The following PAK1 variants were observed in gnomAD, a reference collection of about 807,000 sequenced individuals.
PAK1 encodes the protein p21 (RAC1) activated kinase 1.
Under a neutral mutation model 67.4 loss-of-function variants are expected in PAK1, and 29 were observed. That is an observed-to-expected ratio of 0.43 (90% confidence interval 0.32 to 0.59). The LOEUF is 0.59. Among genes scored for constraint, PAK1 ranks in the 20% least tolerant of loss-of-function variants. The pLI, the probability that PAK1 is intolerant of heterozygous loss-of-function variation, is 0.07. For missense variants in PAK1, 337 were observed against 670.7 expected (o/e 0.50, Z 5.50); for synonymous variants, 223 against 237.4 (o/e 0.94, Z 0.56).
At chr11:77,348,825 G>T (rs72941612) in intron 9 of PAK1, among the ~76,000 whole-genome samples, 1,534 of 152,136 alleles carry the variant, frequency 0.01, 9 homozygotes, top group Non-Finnish European at 0.015. Context: ...GCTACAGTAA[G>T]AAACTAGATA....
chr11:77,330,913 T>C (rs1429402146), intron 14 of PAK1, among the ~76,000 whole-genome samples: 1 of 152,122 alleles, frequency 6.6e-6, no homozygotes, highest in East Asian at 1.9e-4. Flanking sequence ...ATCCAGAATC[T>C]ACAACGAACT....
chr11:77,455,300 T>C (rs1957035107), intron 1 of PAK1, among the ~76,000 whole-genome samples: 1 of 76,038 alleles, frequency 1.3e-5, no homozygotes, highest in South Asian at 3.6e-4. Flanking sequence ...ACTACAGAGG[T>C]TGAAAAAAAA....
the PAK1 span, among the ~76,000 whole-genome samples, chr11:77,517,945 G>A: frequency 6.6e-6 from 1 of 152,150 alleles, no homozygotes; most frequent in East Asian, 1.9e-4. Context: ...GCAGTAATGA[G>A]AGCAATGGGG....
the PAK1 span, among the ~76,000 whole-genome samples, chr11:77,509,612 A>G: frequency 4.6e-5 from 7 of 152,150 alleles, no homozygotes; most frequent in Non-Finnish European, 8.8e-5. Flanking sequence ...GTAATCCCCA[A>G]TGCTGGAGGT....
At chr11:77,339,900 T>TCA (rs1317509406) in intron 11 of PAK1, among the ~76,000 whole-genome samples, 1 of 152,064 alleles carries the variant, frequency 6.6e-6, no homozygotes, top group Non-Finnish European at 1.5e-5. Flanking sequence ...GTCCAGTCTG[T>TCA]CATCAGCAAA....
chr11:77,381,120 A>G (rs1949748833), intron 2 of PAK1, among the ~76,000 whole-genome samples: 1 of 149,524 alleles, frequency 6.7e-6, no homozygotes, highest in African/African-American at 2.5e-5. Flanking sequence ...AGCCAGTTTC[A>G]CCTCTACCTC....
chr11:77,333,506 A>G (rs182872180), intron 13 of PAK1, among the ~76,000 whole-genome samples: 13 of 152,190 alleles, frequency 8.5e-5, no homozygotes, highest in Non-Finnish European at 1.2e-4. Flanking sequence ...CTTTATTATT[A>G]TTCTTGCTTA....
chr11:77,359,398 A>T (rs187642061), intron 5 of PAK1, among the ~76,000 whole-genome samples: 16 of 152,274 alleles, frequency 1.1e-4, no homozygotes, highest in African/African-American at 3.9e-4. Context: ...TGTAGGGAAG[A>T]GATCAAAAGT....
At chr11:77,498,223 T>C in the PAK1 span, among the ~76,000 whole-genome samples, 93 of 152,338 alleles carry the variant, frequency 6.1e-4, no homozygotes, top group Non-Finnish European at 1.1e-3. Flanking sequence ...ATGTTAACAT[T>C]AGGGGGAGCT....
At chr11:77,486,631 G>A in the PAK1 span, among the ~76,000 whole-genome samples, 3 of 152,194 alleles carry the variant, frequency 2.0e-5, no homozygotes, top group Non-Finnish European at 4.4e-5. Context: ...GTGTTTGGGG[G>A]AGGGAAAGCA....
chr11:77,385,870 T>C (rs1487082642), intron 2 of PAK1, among the ~76,000 whole-genome samples: 3 of 151,990 alleles, frequency 2.0e-5, no homozygotes, highest in African/African-American at 7.2e-5. Flanking sequence ...AAAAAAGAAT[T>C]CTTTAAGTTA....
rs982798315 is a variant in PAK1, at chr11:77,387,091, G to A, written c.190+5240C>T. On this transcript the variant is annotated intron_variant, in intron 2 of 14. Transcript: ENST00000356341. ...GCCCAGCCTTTTTTTTTTTTTTTTT[G>A]TAATGGAGTTTCACTCTGTTACCCA... Among the ~76,000 whole-genome samples, 4 of 52,598 alleles carry A rather than the reference G, an allele frequency of 7.6e-5. No homozygotes were observed. In the East Asian group the frequency reaches 1.6e-3, roughly 21 times the overall value. The allele number at this position is 52,598 out of a possible 152,430, so 34.5% of individuals were successfully genotyped here.
rs1418598856 is a variant in PAK1 at position 77,353,455 on chromosome 11, G to A, written c.836+81C>T. 18 of 929,978 alleles carry A rather than the reference G, an allele frequency of 1.9e-5. No individual in the cohort carries two copies. In the Admixed American group the frequency reaches 3.1e-4, roughly 16 times the overall value. The allele number at this position is 929,978 out of a possible 1,614,324, so 57.6% of individuals were successfully genotyped here. On this transcript the variant is annotated intron_variant, in intron 8 of 14. Coordinates refer to ENST00000356341, the MANE Select transcript of PAK1 (RefSeq NM_002576.5). ...GAAAGAAGAACAAGGTTTATGAGAGGCAAAAAAAAAGCAAAATCATATATG... is the reference window on the plus strand; with the variant it reads ...GAAAGAAGAACAAGGTTTATGAGAGACAAAAAAAAAGCAAAATCATATATG...
chr11:77,428,827 A>G (rs143303470), intron 1 of PAK1, among the ~76,000 whole-genome samples: 354 of 151,842 alleles, frequency 2.3e-3, no homozygotes, highest in Non-Finnish European at 4.0e-3. Flanking sequence ...AGTGTGTCAG[A>G]AGCCAACCAC....
rs756375774 is a variant in PAK1, at chr11:77,323,257, CT to C, written c.*16del. On this transcript the variant is annotated 3_prime_UTR_variant, in exon 15 of 15. Transcript: ENST00000356341. ...TCACAGAAGGCTTGGCACAATGAGG[CT>C]GGGGTGAGTGTGGTTTTAGTGATTG... 12 of 1,613,642 alleles carry C rather than the reference CT, an allele frequency of 7.4e-6. No homozygotes were observed. The highest frequency in any genetic ancestry group is 1.0e-5 in the Non-Finnish European group (12 of 1,179,646).
chr11:77,457,277 C>T (rs770925668), intron 1 of PAK1, among the ~76,000 whole-genome samples: 14 of 152,198 alleles, frequency 9.2e-5, no homozygotes, highest in Non-Finnish European at 1.3e-4. Flanking sequence ...GCATGAACTT[C>T]ATCATCTCTG....
chr11:77,404,518 C>T (rs1378958045), intron 1 of PAK1, among the ~76,000 whole-genome samples: 5 of 152,108 alleles, frequency 3.3e-5, no homozygotes, highest in Admixed American at 6.6e-5. Flanking sequence ...CCACCCACCT[C>T]GGCCTCCCAA....
intron 7 of PAK1, among the ~76,000 whole-genome samples, chr11:77,354,089 T>C (rs1172074285): frequency 1.3e-5 from 2 of 152,158 alleles, no homozygotes; most frequent in African/African-American, 2.4e-5. Context: ...AAAGGTGATA[T>C]ATGGACTGAT....
intron 1 of PAK1, among the ~76,000 whole-genome samples, chr11:77,450,068 C>T (rs1956789945): frequency 6.6e-6 from 1 of 152,154 alleles, no homozygotes; most frequent in Admixed American, 6.5e-5. Flanking sequence ...GAAGGCAATA[C>T]CCTCAGTCTA....
Sources: allele counts gnomAD v4.1 joint callset (sites outside exome capture counted in the v4.1 genomes callset), GRCh38; gene constraint gnomAD v4.1.1; transcripts MANE v1.5; gene names NCBI Gene and HGNC (gene_info 2026-07-23, HGNC 2026-07-21).